Variants in PDE4D observed in about 807,000 individuals in gnomAD.
PDE4D encodes the protein 3',5'-cyclic-AMP phosphodiesterase 4D.
A neutral mutation model predicts 87.4 loss-of-function variants in PDE4D; 24 were observed. The ratio of observed to expected loss-of-function variants is 0.27; its 90% CI spans 0.20 to 0.39. The LOEUF (loss-of-function observed/expected upper bound fraction) is 0.39, where lower values mean the gene tolerates loss of function less well. PDE4D is among the 10% of genes least tolerant of loss of function. PDE4D has a pLI of 1.00. For missense variants in PDE4D, 714 were observed against 1,041.0 expected (o/e 0.69, Z 4.32); for synonymous variants, 384 against 383.2 (o/e 1.00, Z -0.02).
intron 1 of PDE4D, among the ~76,000 whole-genome samples, chr5:60,387,878 C>T (rs1762302985): frequency 1.3e-5 from 2 of 152,058 alleles, no homozygotes. Flanking sequence ...GGGCTCAGTC[C>T]CAAAGATGCT....
At chr5:59,000,013 TA>T in intron 6 of PDE4D, 1 of 680,978 alleles carries the variant, frequency 1.5e-6, no homozygotes, top group Non-Finnish European at 1.8e-6. Context: ...GCTCTTAGCC[TA>T]TAAGGCGAGG....
chr5:59,156,245 G>A (rs1484292609), intron 5 of PDE4D, among the ~76,000 whole-genome samples: 2 of 151,028 alleles, frequency 1.3e-5, no homozygotes, highest in South Asian at 4.2e-4. Context: ...AGGCCAGAGG[G>A]AGAGGTTAGG....
chr5:59,571,783 T>G (rs1328843228), intron 1 of PDE4D, among the ~76,000 whole-genome samples: 1 of 152,216 alleles, frequency 6.6e-6, no homozygotes, highest in Non-Finnish European at 1.5e-5. Flanking sequence ...TTTAGTTGTT[T>G]TGTCATTGCT....
intron 1 of PDE4D, among the ~76,000 whole-genome samples, chr5:59,886,745 T>A (rs1366470757): frequency 6.6e-6 from 1 of 151,936 alleles, no homozygotes; most frequent in Non-Finnish European, 1.5e-5. Context: ...GGCCAGAATT[T>A]AAGTGTGATT....
At chr5:59,313,610 G>T (rs567958383) in intron 1 of PDE4D, among the ~76,000 whole-genome samples, 2 of 152,238 alleles carry the variant, frequency 1.3e-5, no homozygotes, top group East Asian at 3.9e-4. Flanking sequence ...CCTCCATAAA[G>T]CTTGCACAAC....
In PDE4D at chr5:58,984,465, A is replaced by T. The variant is rs144762834; in HGVS notation, c.1552+4028T>A. ...TTGCAGTACATTTTTGTTGAATAAA[A>T]TAATCTCTGTAGCTATATCTATATA... On this transcript the variant is annotated intron_variant, in intron 11 of 14. Coordinates refer to ENST00000340635, the MANE Select transcript of PDE4D (RefSeq NM_001104631.2). Among the ~76,000 whole-genome samples, 1,020 of 152,362 alleles carry T rather than the reference A, an allele frequency of 6.7e-3. 14 individuals carry two copies. Among genetic ancestry groups the T allele is most frequent in the African/African-American group, 0.023 (953 of 41,572 alleles).
chr5:60,212,951 C>T (rs1046937143), intron 1 of PDE4D, among the ~76,000 whole-genome samples: 1 of 152,194 alleles, frequency 6.6e-6, no homozygotes, highest in Non-Finnish European at 1.5e-5. Context: ...GCGTTCTTCC[C>T]TTGACCCCGT....
At chr5:60,446,156 G>A (rs997517728) in intron 1 of PDE4D, among the ~76,000 whole-genome samples, 1 of 152,000 alleles carries the variant, frequency 6.6e-6, no homozygotes, top group African/African-American at 2.4e-5. Context: ...CTTAAGATAC[G>A]GGAAAATGTG....
At chr5:59,399,993 C>T (rs1317618910) in intron 1 of PDE4D, among the ~76,000 whole-genome samples, 1 of 116,854 alleles carries the variant, frequency 8.6e-6, no homozygotes, top group African/African-American at 3.5e-5. Flanking sequence ...TGCTCACCAT[C>T]ACTGGCCATC....
intron 5 of PDE4D, among the ~76,000 whole-genome samples, chr5:59,087,486 T>C (rs1217900714): frequency 6.6e-6 from 1 of 151,890 alleles, no homozygotes. Flanking sequence ...CCTATCTCAA[T>C]AAATAAATAA....
Position 60,047,637 on chromosome 5 carries a change from T to C in PDE4D, c.43-58920A>G, listed in dbSNP as rs371350290. On this transcript the variant is annotated intron_variant, in intron 2 of 16. Coordinates refer to the PDE4D transcript ENST00000502484. ...CATTTCGTTATGTACCCAGTAGTCA[T>C]TCAGGAGCAGGTTGTTCAGTTTCCA... 3.9e-4 allele frequency among the ~76,000 whole-genome samples: 60 copies of C among 152,282 alleles called. No individual in the cohort carries two copies. The East Asian group carries it at 8.1e-3, about 21-fold the overall frequency.
chr5:59,927,422 G>A (rs1404696848), intron 3 of PDE4D, among the ~76,000 whole-genome samples: 1 of 152,122 alleles, frequency 6.6e-6, no homozygotes, highest in East Asian at 1.9e-4. Flanking sequence ...ACCAGACAAA[G>A]CACACTGCAG....
intron 1 of PDE4D, among the ~76,000 whole-genome samples, chr5:59,435,053 C>T (rs1283946239): frequency 1.3e-5 from 2 of 152,054 alleles, no homozygotes; most frequent in African/African-American, 4.8e-5. Flanking sequence ...GAGTTAGGAA[C>T]CAATTCATCT....
chr5:59,004,534 A>T (rs1751190431), intron 6 of PDE4D, among the ~76,000 whole-genome samples: 1 of 152,226 alleles, frequency 6.6e-6, no homozygotes, highest in South Asian at 2.1e-4. Flanking sequence ...GATATGATGA[A>T]TGATTCTTTG....
At position 59,571,936 on chromosome 5, in the gene PDE4D, A is replaced by G. The variant is rs527648500; in HGVS notation, c.455+321232T>C. Among the ~76,000 whole-genome samples the G allele has an allele frequency of 4.6e-5, 7 of 152,354 alleles. No homozygotes were observed. In the East Asian group the frequency reaches 1.3e-3, roughly 29 times the overall value. ...AATGGAAATATTTCATAAATTCCAGAAGCTTTGGCATTCGTCTACATCCTC... is the reference window on the plus strand; with the variant it reads ...AATGGAAATATTTCATAAATTCCAGGAGCTTTGGCATTCGTCTACATCCTC... On this transcript the variant is annotated intron_variant, in intron 1 of 14. Coordinates refer to ENST00000340635, the MANE Select transcript of PDE4D (RefSeq NM_001104631.2).
intron 2 of PDE4D, among the ~76,000 whole-genome samples, chr5:60,168,673 C>T (rs1325552610): frequency 6.6e-6 from 1 of 152,144 alleles, no homozygotes; most frequent in African/African-American, 2.4e-5. Context: ...TTTAAACCAC[C>T]TCAAGATTAC....
chr5:59,754,378 T>A (rs1298181186), intron 1 of PDE4D, among the ~76,000 whole-genome samples: 1 of 152,118 alleles, frequency 6.6e-6, no homozygotes, highest in Non-Finnish European at 1.5e-5. Flanking sequence ...CCACATCACC[T>A]GTAGGGCTTA....
chr5:60,279,662 G>A (rs1751700172), intron 1 of PDE4D, among the ~76,000 whole-genome samples: 1 of 150,832 alleles, frequency 6.6e-6, no homozygotes, highest in Non-Finnish European at 1.5e-5. Context: ...GTAATGCATT[G>A]GTATTTTTGT....
At chr5:59,715,505 A>T (rs1754883955) in intron 1 of PDE4D, among the ~76,000 whole-genome samples, 1 of 152,220 alleles carries the variant, frequency 6.6e-6, no homozygotes, top group Admixed American at 6.5e-5. Flanking sequence ...CATACCGGGT[A>T]TGGACAAAGT....
Sources: gnomAD v4.1 joint callset for allele counts (sites outside exome capture counted in the v4.1 genomes callset) on GRCh38, gnomAD v4.1.1 for gene constraint, MANE v1.5 for transcripts, NCBI Gene and HGNC (gene_info 2026-07-23, HGNC 2026-07-21) for gene names.